Variants in NRG1 observed in about 807,000 individuals in gnomAD.
The protein encoded by NRG1 is neuregulin 1.
Under a neutral mutation model 63.8 loss-of-function variants are expected in NRG1, and 18 were observed. The ratio of observed to expected loss-of-function variants is 0.28; its 90% CI spans 0.19 to 0.42. NRG1 has a LOEUF of 0.42. NRG1 is among the 10% of genes least tolerant of loss of function. The pLI is 1.00. For synonymous variants in NRG1, 302 were observed against 301.3 expected (o/e 1.00, Z -0.02); for missense variants, 762 against 814.7 (o/e 0.94, Z 0.79).
intron 1 of NRG1, among the ~76,000 whole-genome samples, chr8:31,913,092 G>C (rs902191335): frequency 1.1e-4 from 17 of 152,044 alleles, no homozygotes; most frequent in Admixed American, 7.2e-4. Context: ...TGCTAATTGG[G>C]CACTGAGGTT....
rs1845417416 is a variant in NRG1, at chr8:32,217,959, A to G, written c.38-377869A>G. 4.6e-5 allele frequency among the ~76,000 whole-genome samples: 7 copies of G among 152,208 alleles called. 1 individual carries two copies. In the South Asian group the frequency reaches 1.4e-3, roughly 32 times the overall value. On this transcript the variant is annotated intron_variant, in intron 1 of 10. Coordinates refer to the NRG1 transcript ENST00000519301. ...TAGGAGGGCTTTTTACAGAAAATGA[A>G]ACTGTGACTTGTTTAAGTTACAACC... is the stretch of plus-strand genomic sequence containing the variant.
intron 1 of NRG1, among the ~76,000 whole-genome samples, chr8:32,386,307 G>A (rs1319125155): frequency 6.6e-6 from 1 of 152,184 alleles, no homozygotes; most frequent in Non-Finnish European, 1.5e-5. Flanking sequence ...CTCTATTAAA[G>A]TTTTATGCAA....
chr8:32,412,474 A>ATACATATATATATG (rs1815239423), intron 1 of NRG1, among the ~76,000 whole-genome samples: 1 of 136,742 alleles, frequency 7.3e-6, no homozygotes, highest in Non-Finnish European at 1.6e-5. Flanking sequence ...ATATATATAT[A>ATACATATATATATG]TGAACAGATA....
intron 1 of NRG1, among the ~76,000 whole-genome samples, chr8:32,554,929 CT>C (rs71541826): frequency 1.8e-4 from 26 of 145,840 alleles, no homozygotes; most frequent in African/African-American, 2.8e-4. Context: ...CTCTCTCTCT[CT>C]TTTTTTTTTT....
chr8:32,112,244 T>A (rs1832123848), intron 1 of NRG1, among the ~76,000 whole-genome samples: 1 of 152,198 alleles, frequency 6.6e-6, no homozygotes, highest in African/African-American at 2.4e-5. Flanking sequence ...CTGAGATGAC[T>A]CCTGCCAAGT....
chr8:32,280,691 GTTTTTTTTTTTTTT>G (rs1174950316), intron 1 of NRG1, among the ~76,000 whole-genome samples: 3 of 57,628 alleles, frequency 5.2e-5, no homozygotes, highest in African/African-American at 1.7e-4. Context: ...TTTTTTTTTT[GTTTTTTTTTTTTTT>G]TTTTTTTTTC....
At chr8:32,635,181 T>C (rs1396470336) in intron 5 of NRG1, among the ~76,000 whole-genome samples, 1 of 152,170 alleles carries the variant, frequency 6.6e-6, no homozygotes, top group Non-Finnish European at 1.5e-5. Flanking sequence ...AACTATAAGA[T>C]GGAAATTATT....
chr8:32,052,271 GTTTTTTTTTT>G (rs5890615), intron 1 of NRG1, among the ~76,000 whole-genome samples: 2 of 91,410 alleles, frequency 2.2e-5, no homozygotes, highest in African/African-American at 7.7e-5. Flanking sequence ...CTTTCCTCCT[GTTTTTTTTTT>G]TTTTTTTTTT....
intron 6 of NRG1, among the ~76,000 whole-genome samples, chr8:32,740,921 G>A (rs1385178951): frequency 6.6e-6 from 1 of 152,146 alleles, no homozygotes; most frequent in African/African-American, 2.4e-5. Flanking sequence ...ACTTGGATAG[G>A]CTCTTTGCTT....
In NRG1 at chr8:31,772,497, T is replaced by G. The variant is rs116279406; in HGVS notation, c.37+133066T>G. Reference sequence around the variant, plus strand: ...TTTTCTCAACAATCCTTCCATCTCCTAGTAGTATCTATTCTCTTCTAGCAA... The same window carrying G: ...TTTTCTCAACAATCCTTCCATCTCCGAGTAGTATCTATTCTCTTCTAGCAA... On this transcript the variant is annotated intron_variant, in intron 1 of 10. Transcript: ENST00000519301. Among the ~76,000 whole-genome samples, 371 of 152,310 alleles carry G rather than the reference T, an allele frequency of 2.4e-3. 2 individuals are homozygous for G. Among genetic ancestry groups the G allele is most frequent in the African/African-American group, 8.6e-3 (358 of 41,564 alleles).
chr8:32,215,033 G>A (rs1845069437), intron 1 of NRG1, among the ~76,000 whole-genome samples: 1 of 152,154 alleles, frequency 6.6e-6, no homozygotes, highest in Non-Finnish European at 1.5e-5. Context: ...GGAAATGGGG[G>A]ACACCCAGTC....
intron 1 of NRG1, among the ~76,000 whole-genome samples, chr8:32,007,032 G>T (rs1813890833): frequency 6.6e-6 from 1 of 152,018 alleles, no homozygotes; most frequent in African/African-American, 2.4e-5. Context: ...ATTTCAGAGT[G>T]CCAGGCCATT....
At chr8:31,876,939 C>A (rs1485070546) in intron 1 of NRG1, among the ~76,000 whole-genome samples, 2 of 152,132 alleles carry the variant, frequency 1.3e-5, no homozygotes, top group African/African-American at 4.8e-5. Context: ...TGAGATGACT[C>A]ATTTTACACT....
At position 32,655,786 on chromosome 8, in the gene NRG1, T is replaced by A. The variant is rs371715966; in HGVS notation, c.502+38901T>A. ...AGGGGCTTCATTATAGGGAAAGCGA[T>A]AAGGAGTTACTTTTGAGAGAGGAAA... On this transcript the variant is annotated intron_variant, in intron 5 of 11. Transcript: ENST00000356819. Among the ~76,000 whole-genome samples the A allele has an allele frequency of 1.4e-3, 211 of 152,292 alleles. 1 individual carries two copies. The highest frequency in any genetic ancestry group is 4.8e-3 in the African/African-American group (201 of 41,572).
chr8:32,040,387 A>T (rs1041648999), intron 1 of NRG1, among the ~76,000 whole-genome samples: 3 of 152,098 alleles, frequency 2.0e-5, no homozygotes, highest in African/African-American at 7.2e-5. Flanking sequence ...ATTGTGTTTT[A>T]AAAAGTCAAA....
At chr8:32,526,958 G>T (rs542576648) in intron 1 of NRG1, among the ~76,000 whole-genome samples, 1 of 152,176 alleles carries the variant, frequency 6.6e-6, no homozygotes, top group South Asian at 2.1e-4. Flanking sequence ...CTAGTCTCAT[G>T]ACTTCATAGT....
chr8:32,001,233 G>T (rs1225637386), intron 1 of NRG1, among the ~76,000 whole-genome samples: 1 of 152,000 alleles, frequency 6.6e-6, no homozygotes, highest in Non-Finnish European at 1.5e-5. Context: ...ACATATCATG[G>T]GAGGGACCCA....
At chr8:31,956,779 C>T (rs1804511441) in intron 1 of NRG1, among the ~76,000 whole-genome samples, 1 of 152,232 alleles carries the variant, frequency 6.6e-6, no homozygotes, top group African/African-American at 2.4e-5. Context: ...GGTCCCCATA[C>T]ATTTTCTATG....
At chr8:32,056,863 A>G (rs2130870025) in intron 1 of NRG1, among the ~76,000 whole-genome samples, 1 of 152,330 alleles carries the variant, frequency 6.6e-6, no homozygotes, top group African/African-American at 2.4e-5. Flanking sequence ...TAAAAGCTGG[A>G]TTCTTCTCTT....
Sources: gnomAD v4.1 joint callset for allele counts (sites outside exome capture counted in the v4.1 genomes callset) on GRCh38, gnomAD v4.1.1 for gene constraint, MANE v1.5 for transcripts, NCBI Gene and HGNC (gene_info 2026-07-23, HGNC 2026-07-21) for gene names.